The following PSMB7 variants were observed in gnomAD, a reference collection of about 807,000 sequenced individuals.
PSMB7 encodes the protein proteasome 20S subunit beta 7, also known as proteasome subunit beta type-7.
PSMB7 carries 5 observed loss-of-function variants against 28.1 expected under a neutral mutation model. The observed-to-expected ratio is 0.18, with a 90% CI of 0.09 to 0.37. The LOEUF is 0.37. Among genes scored for constraint, PSMB7 ranks in the 10% least tolerant of loss-of-function variants. PSMB7 has a pLI of 1.00. For synonymous variants in PSMB7, 122 were observed against 123.7 expected, an observed-to-expected ratio of 0.99 and a Z score of 0.09; for missense variants, 275 against 346.2, an observed-to-expected ratio of 0.79 and a Z score of 1.63.
chr9:124,378,043 C>T (rs1830630855), intron 6 of PSMB7, among the ~76,000 whole-genome samples: 1 of 152,244 alleles, frequency 6.6e-6, no homozygotes, highest in Non-Finnish European at 1.5e-5. Context: ...CTGCAGTCTT[C>T]ATTTCTTTAA....
chr9:124,401,005 A>C (rs1055958023), intron 5 of PSMB7, among the ~76,000 whole-genome samples: 2 of 152,226 alleles, frequency 1.3e-5, no homozygotes, highest in Non-Finnish European at 2.9e-5. Flanking sequence ...ACGAGTTAAT[A>C]GTAAGGGAAG....
chr9:124,391,460 C>A (rs750855850), intron 5 of PSMB7, among the ~76,000 whole-genome samples: 1 of 152,160 alleles, frequency 6.6e-6, no homozygotes, highest in African/African-American at 2.4e-5. Flanking sequence ...CTTGCTTCTT[C>A]TTTAGATTTC....
At chr9:124,389,906 A>G (rs1830767023) in intron 5 of PSMB7, among the ~76,000 whole-genome samples, 1 of 152,240 alleles carries the variant, frequency 6.6e-6, no homozygotes, top group Non-Finnish European at 1.5e-5. Context: ...ATCTTATAAT[A>G]GCAGGCCCAC....
intron 6 of PSMB7, among the ~76,000 whole-genome samples, chr9:124,370,974 GTGAC>G (rs1488762853): frequency 6.6e-6 from 1 of 152,172 alleles, no homozygotes; most frequent in African/African-American, 2.4e-5. Flanking sequence ...TGTGCAGTGT[GTGAC>G]TGTCTTGCAC....
At position 124,356,195 on chromosome 9, in the gene PSMB7, C is replaced by T. The variant is rs1345930565; in HGVS notation, c.722+569G>A. 6.6e-6 allele frequency among the ~76,000 whole-genome samples: 1 copy of T among 152,192 alleles called. No individual in the cohort carries two copies. The highest frequency in any genetic ancestry group is 6.5e-5 in the Admixed American group (1 of 15,284). ...CACCAGGTTTGGAAACCTCCCAGTT[C>T]TGCTCAGCAAATCAACTAGAACCTT... is the stretch of plus-strand genomic sequence containing the variant. On this transcript the variant is annotated intron_variant, in intron 7 of 7. Transcript: ENST00000259457. The surrounding 1 kb of genome is among the most constrained non-coding windows in gnomAD (Gnocchi z 4.4).
chr9:124,389,662 C>G (rs1223743326), intron 5 of PSMB7, among the ~76,000 whole-genome samples: 1 of 152,140 alleles, frequency 6.6e-6, no homozygotes, highest in Admixed American at 6.5e-5. Context: ...GGCACTCCCC[C>G]ATCCACTGCA....
At chr9:124,401,457 T>G (rs1830905922) in intron 5 of PSMB7, among the ~76,000 whole-genome samples, 1 of 152,252 alleles carries the variant, frequency 6.6e-6, no homozygotes, top group South Asian at 2.1e-4. Context: ...TCCCAGCTCC[T>G]AGCAAAGTGC....
intron 5 of PSMB7, among the ~76,000 whole-genome samples, chr9:124,404,286 A>C (rs945774903): frequency 2.7e-5 from 4 of 147,502 alleles, no homozygotes; most frequent in Non-Finnish European, 6.0e-5. Flanking sequence ...TTTTTGTTTT[A>C]TGATCATTGC....
rs148662545 is a variant in PSMB7 at position 124,415,293 on chromosome 9, C to T, written c.62+71G>A. On this transcript the variant is annotated intron_variant, in intron 1 of 7. Transcript: ENST00000259457. ...CTTCCCTCAGAATTCTCGTATCACA[C>T]CTTGGCCCAGCTCCCACCCGAGCAC... 2,465 of 1,492,198 alleles carry T rather than the reference C, an allele frequency of 1.7e-3. 45 individuals carry two copies. The African/African-American group carries it at 0.031, about 19-fold the overall frequency. The allele number at this position is 1,492,198 out of a possible 1,614,324, so 92.4% of individuals were successfully genotyped here. A position where few individuals can be genotyped will look rare whatever the true frequency, so the allele number is the denominator to read the frequency against.
At chr9:124,405,455 G>A (rs751027561) in intron 4 of PSMB7, 23 bp from the exon 5 acceptor site, 1 of 1,490,820 alleles carries the variant, frequency 6.7e-7, no homozygotes, top group Non-Finnish European at 9.3e-7. Context: ...GTATGCATAA[G>A]AAAAAAAACA....
At chr9:124,388,373 C>CATG (rs1485459396) in intron 5 of PSMB7, among the ~76,000 whole-genome samples, 1 of 152,200 alleles carries the variant, frequency 6.6e-6, no homozygotes, top group Non-Finnish European at 1.5e-5. Context: ...GGCTATGCTC[C>CATG]ATGAGCAAGG....
intron 6 of PSMB7, among the ~76,000 whole-genome samples, chr9:124,357,818 C>A (rs1588565879): frequency 6.6e-6 from 1 of 152,292 alleles, no homozygotes; most frequent in East Asian, 1.9e-4. Context: ...CAAGTAAGTA[C>A]AATGCAGGGT....
At chr9:124,414,804 G>A (rs757210855) in intron 2 of PSMB7, 38 bp downstream of exon 2, 19 of 1,555,476 alleles carry the variant, frequency 1.2e-5, no homozygotes, top group Middle Eastern at 3.6e-4. Flanking sequence ...TCCTGTTGCC[G>A]GTTCAGTCAC....
chr9:124,356,999 C>T lies in PSMB7; in HGVS notation c.571-84G>A, dbSNP rs10986323. On this transcript the variant is annotated intron_variant, in intron 6 of 7. Transcript: ENST00000259457. The surrounding 1 kb of genome is among the most constrained non-coding windows in gnomAD (Gnocchi z 4.4). ...CCGCAATGTACGTCCACTAGCAGTG[C>T]GCAAGACCTCCCGCGAGACAGGTGT... 8,420 of 1,457,734 alleles carry T rather than the reference C, an allele frequency of 5.8e-3. 422 individuals carry two copies. In the African/African-American group the frequency reaches 0.11, roughly 18 times the overall value. 90.3% of individuals were successfully genotyped at this position (1,457,734 alleles called of 1,614,324 possible).
At chr9:124,363,645 G>A (rs750392639) in intron 6 of PSMB7, among the ~76,000 whole-genome samples, 12 of 152,192 alleles carry the variant, frequency 7.9e-5, no homozygotes, top group Non-Finnish European at 1.5e-4. Flanking sequence ...AGCCGGGAGT[G>A]AGCCAGTGAC....
intron 6 of PSMB7, among the ~76,000 whole-genome samples, chr9:124,357,525 C>T (rs1830421917): frequency 6.6e-6 from 1 of 152,188 alleles, no homozygotes; most frequent in Admixed American, 6.5e-5. Context: ...AGGGCGGGAC[C>T]TCTTGCCCAG....
At chr9:124,357,824 A>G (rs1268020302) in intron 6 of PSMB7, among the ~76,000 whole-genome samples, 1 of 152,208 alleles carries the variant, frequency 6.6e-6, no homozygotes, top group Non-Finnish European at 1.5e-5. Flanking sequence ...AGTACAATGC[A>G]GGGTAAGGCT....
intron 6 of PSMB7, among the ~76,000 whole-genome samples, chr9:124,365,916 A>G (rs1830502522): frequency 6.6e-6 from 1 of 152,210 alleles, no homozygotes; most frequent in Non-Finnish European, 1.5e-5. Context: ...CCTTGTCTCA[A>G]AAAACGAGAG....
intron 6 of PSMB7, among the ~76,000 whole-genome samples, chr9:124,378,947 A>G (rs1396265175): frequency 6.6e-6 from 1 of 152,234 alleles, no homozygotes; most frequent in East Asian, 1.9e-4. Context: ...GCCTGTGGGT[A>G]AGAACCAGGA....
Sources: allele counts gnomAD v4.1 joint callset (sites outside exome capture counted in the v4.1 genomes callset), GRCh38; gene constraint gnomAD v4.1.1; non-coding constraint Gnocchi (gnomAD v3.1); transcripts MANE v1.5; gene names NCBI Gene and HGNC (gene_info 2026-07-23, HGNC 2026-07-21).